The following DDX10 variants were observed in gnomAD, a reference collection of about 807,000 sequenced individuals.
DDX10 encodes probable ATP-dependent RNA helicase DDX10.
DDX10 carries 74 observed loss-of-function variants against 104.3 expected under a neutral mutation model. The observed-to-expected ratio is 0.71, with a 90% CI of 0.59 to 0.86. DDX10 has a LOEUF of 0.86. DDX10 is among the 40% of genes least tolerant of loss of function. The pLI is 0.00. For missense variants in DDX10, 952 were observed against 1,040.0 expected, an observed-to-expected ratio of 0.92 and a Z score of 1.16; for synonymous variants, 351 against 353.4, an observed-to-expected ratio of 0.99 and a Z score of 0.08.
At chr11:108,745,915 T>G (rs1260008812) in intron 13 of DDX10, among the ~76,000 whole-genome samples, 1 of 152,196 alleles carries the variant, frequency 6.6e-6, no homozygotes, top group Admixed American at 6.5e-5. Flanking sequence ...TTTTTTGAGA[T>G]GTAATTTCTA....
In DDX10 at chr11:108,813,236, T is replaced by C. The variant is rs192139027; in HGVS notation, c.1966-25210T>C. 1.1e-3 allele frequency among the ~76,000 whole-genome samples: 162 copies of C among 152,312 alleles called. 2 individuals are homozygous for C. Among genetic ancestry groups the C allele is most frequent in the Non-Finnish European group, 7.4e-5 (5 of 68,020 alleles). ...TTTCAGTAGATATTGTAAATTGCAC[T>C]AATTCACATTTCTACTCATAATATC... is the stretch of plus-strand genomic sequence containing the variant. On this transcript the variant is annotated intron_variant, in intron 13 of 17. Coordinates refer to ENST00000322536, the MANE Select transcript of DDX10 (RefSeq NM_004398.4).
At chr11:108,875,719 C>T (rs1037844961) in intron 16 of DDX10, among the ~76,000 whole-genome samples, 17 of 152,314 alleles carry the variant, frequency 1.1e-4, no homozygotes, top group Admixed American at 7.2e-4. Context: ...TCTGCGTTGG[C>T]TTTCCAGTTC....
intron 6 of DDX10, among the ~76,000 whole-genome samples, chr11:108,686,867 C>A (rs2094244903): frequency 6.6e-6 from 1 of 152,078 alleles, no homozygotes; most frequent in African/African-American, 2.4e-5. Context: ...TCACTGCAAG[C>A]TCTGCCCCTC....
chr11:108,798,651 T>G (rs576401451), intron 13 of DDX10, among the ~76,000 whole-genome samples: 1 of 152,330 alleles, frequency 6.6e-6, no homozygotes, highest in East Asian at 1.9e-4. Flanking sequence ...TATCAAATCT[T>G]GTACGAGCGG....
At position 108,763,817 on chromosome 11, in the gene DDX10, CTG is replaced by C. The variant is rs2094353482; in HGVS notation, c.1965+40357_1965+40358del. Among the ~76,000 whole-genome samples, 13 of 152,114 alleles carry C rather than the reference CTG, an allele frequency of 8.5e-5. No homozygotes were observed. The South Asian group carries it at 2.7e-3, about 32-fold the overall frequency. The stretch of plus-strand genomic sequence containing the variant: ...AGAGTTTTTATTACTAATAAACATT[CTG>C]TATCTAGTAATAATGCATTAAATAG... On this transcript the variant is annotated intron_variant, in intron 13 of 17. Transcript: ENST00000322536.
intron 10 of DDX10, among the ~76,000 whole-genome samples, chr11:108,713,984 T>A (rs752667124): frequency 3.3e-5 from 5 of 152,136 alleles, no homozygotes; most frequent in Admixed American, 6.5e-5. Context: ...TCAGGTCAGT[T>A]AGGCTCAGAT....
At chr11:108,674,905 G>T (rs2094222062) in intron 2 of DDX10, among the ~76,000 whole-genome samples, 3 of 152,094 alleles carry the variant, frequency 2.0e-5, no homozygotes, top group African/African-American at 7.2e-5. Flanking sequence ...CCAGCTTCTG[G>T]TAACTACCAT....
At chr11:108,689,152 G>C in intron 7 of DDX10, 90 bp downstream of exon 7, 1 of 1,362,138 alleles carries the variant, frequency 7.3e-7, no homozygotes, top group Non-Finnish European at 1.0e-6. Context: ...TATTGTACGA[G>C]AAGTACAGTG....
chr11:108,795,273 G>A (rs1346998862), intron 13 of DDX10, among the ~76,000 whole-genome samples: 1 of 143,416 alleles, frequency 7.0e-6, no homozygotes, highest in Non-Finnish European at 1.5e-5. Context: ...GTCTGGGCCT[G>A]GAAATTTTTT....
intron 13 of DDX10, chr11:108,822,247 G>A (rs752218027): frequency 6.4e-5 from 14 of 217,474 alleles, no homozygotes; most frequent in Non-Finnish European, 1.0e-4. Context: ...TCTGAATTCT[G>A]GTATATGAGA....
chr11:108,677,675 C>T (rs1345688153), intron 4 of DDX10, among the ~76,000 whole-genome samples: 1 of 149,214 alleles, frequency 6.7e-6, no homozygotes, highest in Non-Finnish European at 1.5e-5. Context: ...AGACCTGCTG[C>T]TCACTTTTGT....
intron 16 of DDX10, among the ~76,000 whole-genome samples, chr11:108,903,377 G>A (rs1857887656): frequency 6.6e-6 from 1 of 152,084 alleles, no homozygotes; most frequent in African/African-American, 2.4e-5. Flanking sequence ...CCATGTTGTA[G>A]CATATACCAG....
chr11:108,705,645 A>G (rs1182823278), intron 9 of DDX10, among the ~76,000 whole-genome samples: 2 of 152,280 alleles, frequency 1.3e-5, no homozygotes, highest in African/African-American at 2.4e-5. Context: ...ACCCACCACA[A>G]AGTTTCTCAG....
At chr11:108,882,762 C>T (rs555884078) in intron 16 of DDX10, among the ~76,000 whole-genome samples, 6 of 152,204 alleles carry the variant, frequency 3.9e-5, no homozygotes, top group African/African-American at 7.2e-5. Context: ...CAGAGAAGTG[C>T]GTTTCAGTAA....
chr11:108,673,619 T>A (rs904075332), intron 2 of DDX10, 92 bp downstream of exon 2: 9 of 927,550 alleles, frequency 9.7e-6, no homozygotes, highest in Admixed American at 2.6e-5. Flanking sequence ...CTGAAAAATC[T>A]TATTTTGGCA....
At chr11:108,902,548 C>G (rs1436356643) in intron 16 of DDX10, among the ~76,000 whole-genome samples, 2 of 152,086 alleles carry the variant, frequency 1.3e-5, no homozygotes, top group African/African-American at 4.8e-5. Context: ...AATATTAACA[C>G]TTTCTATGGT....
Position 108,693,985 on chromosome 11 carries a change from G to A in DDX10, c.1223+385G>A, listed in dbSNP as rs1591793726. Among the ~76,000 whole-genome samples the A allele has an allele frequency of 4.6e-5, 7 of 152,234 alleles. 1 individual carries two copies. The South Asian group carries it at 1.4e-3, about 32-fold the overall frequency. ...CAGTACCAAACCCAATATATGCTAT[G>A]TTTTTTCAGTCTAGTAACTGAGACA... On this transcript the variant is annotated intron_variant, in intron 9 of 17. Transcript: ENST00000322536.
At chr11:108,908,538 T>G (rs1863627470) in intron 16 of DDX10, among the ~76,000 whole-genome samples, 1 of 152,258 alleles carries the variant, frequency 6.6e-6, no homozygotes, top group Non-Finnish European at 1.5e-5. Flanking sequence ...GTATGGCATG[T>G]AGGAACGTAA....
At position 108,924,947 on chromosome 11, in the gene DDX10, A is replaced by G. The variant is rs1863888663; in HGVS notation, c.2450+6929A>G. On this transcript the variant is annotated intron_variant, in intron 17 of 17. Coordinates refer to ENST00000322536, the MANE Select transcript of DDX10 (RefSeq NM_004398.4). ...TCTCATTGTGTGTAGAAAATGTAGA[A>G]AGAGGTTGGCTCAGCTTAATTATAT... Among the ~76,000 whole-genome samples the G allele has an allele frequency of 4.6e-5, 7 of 152,194 alleles. No homozygotes were observed. The South Asian group carries it at 1.5e-3, about 32-fold the overall frequency.
Sources: allele counts gnomAD v4.1 joint callset (sites outside exome capture counted in the v4.1 genomes callset), GRCh38; gene constraint gnomAD v4.1.1; transcripts MANE v1.5; gene names NCBI Gene and HGNC (gene_info 2026-07-23, HGNC 2026-07-21).